MTMR3: variants seen among roughly 807,000 people sequenced by gnomAD.
MTMR3 encodes the protein phosphatidylinositol-3,5-bisphosphate 3-phosphatase MTMR3.
Under a neutral mutation model 132.4 loss-of-function variants are expected in MTMR3, and 32 were observed. The observed-to-expected ratio is 0.24, with a 90% confidence interval of 0.18 to 0.32. The LOEUF (loss-of-function observed/expected upper bound fraction) is 0.32, where lower values mean the gene tolerates loss of function less well. MTMR3 is among the 10% of genes least tolerant of loss of function. The pLI is 1.00. For synonymous variants in MTMR3, 556 were observed against 550.3 expected (o/e 1.01, Z -0.14); for missense variants, 1,216 against 1,489.6 (o/e 0.82, Z 3.02).
chr22:29,888,460 A>G (rs2064722248), intron 1 of MTMR3, among the ~76,000 whole-genome samples: 1 of 152,212 alleles, frequency 6.6e-6, no homozygotes. Context: ...TAAGGCATGA[A>G]ACTAACGAAA....
At chr22:29,953,051 T>C (rs988165327) in intron 1 of MTMR3, among the ~76,000 whole-genome samples, 1 of 152,148 alleles carries the variant, frequency 6.6e-6, no homozygotes, top group African/African-American at 2.4e-5. Flanking sequence ...TCTCTGGATC[T>C]GTTTCTTAAT....
In MTMR3 at chr22:29,970,743, A is replaced by C. The variant is rs2066517156; in HGVS notation, c.-84-233A>C. ...AGCCTTTGATACTGTTTTTGCAGAA[A>C]CAGGTTAAGACTAACAGGAGTTTTA... On this transcript the variant is annotated intron_variant, in intron 2 of 19. Transcript: ENST00000401950. Among the ~76,000 whole-genome samples, 3 of 152,074 alleles carry C rather than the reference A, an allele frequency of 2.0e-5. No homozygotes were observed. In the South Asian group the frequency reaches 6.2e-4, roughly 32 times the overall value.
At chr22:29,940,593 G>C (rs976114975) in intron 1 of MTMR3, among the ~76,000 whole-genome samples, 3 of 149,662 alleles carry the variant, frequency 2.0e-5, no homozygotes, top group Non-Finnish European at 4.4e-5. Flanking sequence ...CTCCTGAATA[G>C]GAAAAATCGG....
At chr22:30,005,672 AAAACTACAAGC>A (rs1344031331) in intron 9 of MTMR3, 7 of 152,376 alleles carry the variant, frequency 4.6e-5, no homozygotes, top group African/African-American at 1.7e-4. Context: ...GGAGGCTTTA[AAAACTACAAGC>A]AAACTGGTGA....
At chr22:29,952,917 G>C (rs932798195) in intron 1 of MTMR3, among the ~76,000 whole-genome samples, 1 of 152,008 alleles carries the variant, frequency 6.6e-6, no homozygotes, top group African/African-American at 2.4e-5. Context: ...AAAGTTAATA[G>C]ACATAAGAAA....
intron 1 of MTMR3, among the ~76,000 whole-genome samples, chr22:29,926,109 C>G (rs189506882): frequency 6.6e-5 from 10 of 152,116 alleles, no homozygotes; most frequent in Admixed American, 3.3e-4. Context: ...ATGCATTTAC[C>G]TATTTTGATA....
At chr22:29,945,541 T>A (rs887420022) in intron 1 of MTMR3, among the ~76,000 whole-genome samples, 8 of 147,168 alleles carry the variant, frequency 5.4e-5, no homozygotes, top group African/African-American at 2.0e-4. Flanking sequence ...CTATAAAAAA[T>A]TAAAAAAAAA....
rs1225196179 is a variant in MTMR3 at position 30,023,367 on chromosome 22, C to G, written c.3425+670C>G. 8 of 1,300,046 alleles carry G rather than the reference C, an allele frequency of 6.2e-6. No individual in the cohort carries two copies. The East Asian group carries it at 1.6e-4, about 26-fold the overall frequency. The allele number at this position is 1,300,046 out of a possible 1,614,324, so 80.5% of individuals were successfully genotyped here. On this transcript the variant is annotated intron_variant, in intron 19 of 19. Coordinates refer to ENST00000401950, the MANE Select transcript of MTMR3 (RefSeq NM_021090.4). ...ACAGTCTCTTTGCCTAGTAATGATG[C>G]TTCTAGGACATGTATCTCCCCACCC...
intron 1 of MTMR3, among the ~76,000 whole-genome samples, chr22:29,934,957 C>T (rs910996146): frequency 2.0e-5 from 3 of 152,140 alleles, no homozygotes. Context: ...ATTTAGACTA[C>T]TTTTATTAAG....
At chr22:29,910,741 CT>C (rs898660332) in intron 1 of MTMR3, among the ~76,000 whole-genome samples, 2 of 144,054 alleles carry the variant, frequency 1.4e-5, no homozygotes, top group African/African-American at 5.1e-5. Context: ...CCTGTTAAGA[CT>C]TTTTTTTTCT....
intron 1 of MTMR3, among the ~76,000 whole-genome samples, chr22:29,933,268 A>G (rs1049705302): frequency 6.6e-5 from 10 of 151,722 alleles, no homozygotes; most frequent in African/African-American, 2.4e-4. Flanking sequence ...TTTCTTGAGA[A>G]TAAGGACATT....
chr22:29,929,801 C>A (rs112965740), intron 1 of MTMR3, among the ~76,000 whole-genome samples: 2 of 152,108 alleles, frequency 1.3e-5, no homozygotes, highest in Non-Finnish European at 2.9e-5. Flanking sequence ...CGTGAGCCAC[C>A]GCGCCCGGCC....
At chr22:29,888,768 CT>C (rs3049983) in intron 1 of MTMR3, among the ~76,000 whole-genome samples, 13,187 of 101,406 alleles carry the variant, frequency 0.13, 256 homozygotes, top group South Asian at 0.21. Flanking sequence ...TTAGTTAATA[CT>C]TTTTTTTTTT....
At chr22:29,936,867 T>C (rs1361531516) in intron 1 of MTMR3, among the ~76,000 whole-genome samples, 1 of 152,176 alleles carries the variant, frequency 6.6e-6, no homozygotes, top group Non-Finnish European at 1.5e-5. Context: ...AAAATAGTAA[T>C]ATTAAAAAAT....
chr22:29,960,556 C>T (rs1455023379), intron 2 of MTMR3, among the ~76,000 whole-genome samples: 1 of 152,140 alleles, frequency 6.6e-6, no homozygotes, highest in Non-Finnish European at 1.5e-5. Context: ...CTTTATATAA[C>T]CATGTGTTGT....
At chr22:30,021,335 A>G (rs1419369873) in intron 17 of MTMR3, 2 of 172,116 alleles carry the variant, frequency 1.2e-5, no homozygotes, top group Non-Finnish European at 1.3e-5. Flanking sequence ...TTAAACAAAT[A>G]TTTATACCCA....
At chr22:29,978,911 CTG>C in intron 4 of MTMR3, 23 bp from the exon 5 acceptor site, 1 of 1,509,740 alleles carries the variant, frequency 6.6e-7, no homozygotes, top group Non-Finnish European at 9.2e-7. Flanking sequence ...CTTCAGAACT[CTG>C]AAGGGTTTCT....
chr22:29,946,547 T>C (rs538751750), intron 1 of MTMR3, among the ~76,000 whole-genome samples: 175 of 152,296 alleles, frequency 1.1e-3, no homozygotes, highest in African/African-American at 4.2e-3. Flanking sequence ...AAATGTCTTA[T>C]GAAGAAAAAT....
chr22:30,007,040 A>G (rs527918849), intron 9 of MTMR3, 74 bp from the exon 10 acceptor site: 1 of 1,508,946 alleles, frequency 6.6e-7, no homozygotes, highest in Non-Finnish European at 9.1e-7. Context: ...TCATTAAGGC[A>G]CTTAAAATCT....
Sources: gnomAD v4.1 joint callset for allele counts (sites outside exome capture counted in the v4.1 genomes callset) on GRCh38, gnomAD v4.1.1 for gene constraint, MANE v1.5 for transcripts, NCBI Gene and HGNC (gene_info 2026-07-23, HGNC 2026-07-21) for gene names.